HSPA12A: variants seen among roughly 807,000 people sequenced by gnomAD.
HSPA12A encodes the protein heat shock 70 kDa protein 12A.
HSPA12A carries 28 observed loss-of-function variants against 69.2 expected under a neutral mutation model. The observed-to-expected ratio is 0.40, with a 90% CI of 0.30 to 0.55. The LOEUF (loss-of-function observed/expected upper bound fraction) is 0.55, where lower values mean the gene tolerates loss of function less well. Ranked by LOEUF, HSPA12A falls within the 20% of genes least tolerant of loss-of-function variation. The probability of loss-of-function intolerance (pLI) is 0.38; values close to 1 mark genes in which losing one functional copy is unlikely to be tolerated. For synonymous variants in HSPA12A, 345 were observed against 370.5 expected (o/e 0.93, Z 0.79); for missense variants, 686 against 900.7 (o/e 0.76, Z 3.05).
Position 116,698,736 on chromosome 10 carries a change from G to A in HSPA12A, c.445C>T (p.Leu149Phe), listed in dbSNP as rs782433987. The change falls in exon 5 of 12, where the codon CTC becomes TTC. Residue 149 changes from leucine to phenylalanine, a missense_variant. Transcript: ENST00000369209. ...GCCGTCAGGTCTGTATCCATGGTGA[G>A]GTCCTGGTAGGAGGAAGAGGAACAA... ...FKMKLHTTGDLTMDTDLTAAN... is the reference protein window; with the variant it reads ...FKMKLHTTGDFTMDTDLTAAN... 20 of 1,611,748 alleles carry A rather than the reference G, an allele frequency of 1.2e-5. No homozygotes were observed. The highest frequency in any genetic ancestry group is 4.0e-5 in the African/African-American group (3 of 74,904).
intron 1 of HSPA12A, among the ~76,000 whole-genome samples, chr10:116,717,349 G>A (rs1462033036): frequency 1.3e-5 from 2 of 152,218 alleles, no homozygotes; most frequent in Admixed American, 6.5e-5. Flanking sequence ...AATAGCTGGA[G>A]GAAGTCAGGA....
intron 1 of HSPA12A, among the ~76,000 whole-genome samples, chr10:116,718,265 C>T (rs1449642449): frequency 1.3e-5 from 2 of 152,234 alleles, no homozygotes; most frequent in African/African-American, 4.8e-5. Context: ...GTTGGTTTCC[C>T]CTTGAGCAGA....
chr10:116,767,364 C>G (rs552214833), intron 2 of HSPA12A, among the ~76,000 whole-genome samples: 3 of 152,164 alleles, frequency 2.0e-5, no homozygotes, highest in Admixed American at 6.5e-5. Flanking sequence ...ACCCCTCCCC[C>G]ACCAGTGACG....
chr10:116,834,814 C>T (rs1173709970), intron 2 of HSPA12A: 6 of 431,170 alleles, frequency 1.4e-5, no homozygotes, highest in Admixed American at 4.7e-5. Flanking sequence ...ACATCTTACA[C>T]GTGCAGAAGT....
chr10:116,733,364 T>C (rs1392435250), intron 1 of HSPA12A, among the ~76,000 whole-genome samples: 1 of 152,200 alleles, frequency 6.6e-6, no homozygotes, highest in Non-Finnish European at 1.5e-5. Flanking sequence ...CCCGAATACC[T>C]ACAGCTTCCC....
intron 1 of HSPA12A, among the ~76,000 whole-genome samples, chr10:116,718,922 T>C (rs1295234149): frequency 6.6e-6 from 1 of 151,816 alleles, no homozygotes; most frequent in Non-Finnish European, 1.5e-5. Context: ...GGGTGAGAAC[T>C]AGAATTTATG....
chr10:116,775,580 G>A (rs1554891015), intron 2 of HSPA12A, among the ~76,000 whole-genome samples: 1 of 152,148 alleles, frequency 6.6e-6, no homozygotes, highest in Non-Finnish European at 1.5e-5. Context: ...CCCGATGAGA[G>A]GGGATGGAAG....
At chr10:116,823,143 C>T (rs995192995) in intron 2 of HSPA12A, among the ~76,000 whole-genome samples, 6 of 152,252 alleles carry the variant, frequency 3.9e-5, no homozygotes, top group African/African-American at 1.2e-4. Flanking sequence ...CCAGGGACCA[C>T]GTTTTAAAAG....
In HSPA12A at chr10:116,696,002, C is replaced by CAAAAAAAAAAAAA. The variant is rs71013609; in HGVS notation, c.546+2620_546+2632dup. On this transcript the variant is annotated intron_variant, in intron 5 of 11. Coordinates refer to ENST00000369209, the MANE Select transcript of HSPA12A (RefSeq NM_025015.3). ...TGGGCAACAGAGAGAGACTCCATCT[C>CAAAAAAAAAAAAA]AAAAAAAAAAAAAAAAAAAAAGGCT... is the stretch of plus-strand genomic sequence containing the variant. 1.1e-3 allele frequency among the ~76,000 whole-genome samples: 35 copies of CAAAAAAAAAAAAA among 32,722 alleles called. 3 individuals are homozygous for CAAAAAAAAAAAAA. Among genetic ancestry groups the CAAAAAAAAAAAAA allele is most frequent in the African/African-American group, 4.9e-3 (32 of 6,488 alleles). The allele number at this position is 32,722 out of a possible 152,430, so 21.5% of individuals were successfully genotyped here. A position where few individuals can be genotyped will look rare whatever the true frequency, so the allele number is the denominator to read the frequency against.
chr10:116,753,685 C>A (rs1843757373), intron 2 of HSPA12A, among the ~76,000 whole-genome samples: 1 of 152,178 alleles, frequency 6.6e-6, no homozygotes, highest in Non-Finnish European at 1.5e-5. Flanking sequence ...TTCCATGATC[C>A]TGTAGGGCAA....
intron 2 of HSPA12A, among the ~76,000 whole-genome samples, chr10:116,812,114 C>A (rs1324501776): frequency 1.3e-5 from 2 of 152,120 alleles, no homozygotes; most frequent in Non-Finnish European, 2.9e-5. Flanking sequence ...GGCCCTGTAC[C>A]TATTACAAAG....
intron 2 of HSPA12A, among the ~76,000 whole-genome samples, chr10:116,822,688 A>G (rs1845427351): frequency 6.6e-6 from 1 of 152,202 alleles, no homozygotes. Context: ...TCAAGCCTCT[A>G]TCCTTTGCAA....
rs79683502 is a variant in HSPA12A at position 116,754,434 on chromosome 10, G to T, written c.92-47149C>A. 6.5e-4 allele frequency among the ~76,000 whole-genome samples: 99 copies of T among 152,182 alleles called. 1 individual carries two copies. In the East Asian group the frequency reaches 0.017, roughly 25 times the overall value. Reference sequence around the variant, plus strand: ...AGTTTAGAGCAAAAGAAGAATTAAAGAAAAAAATCAAAATATTAAACTTTT... The same window carrying T: ...AGTTTAGAGCAAAAGAAGAATTAAATAAAAAAATCAAAATATTAAACTTTT... On this transcript the variant is annotated intron_variant, in intron 2 of 12. Coordinates refer to the HSPA12A transcript ENST00000635765.
chr10:116,811,548 G>A (rs890834982), intron 2 of HSPA12A, among the ~76,000 whole-genome samples: 13 of 139,724 alleles, frequency 9.3e-5, no homozygotes, highest in African/African-American at 3.3e-4. Flanking sequence ...CCTTCATATT[G>A]GGCCTAACTT....
intron 2 of HSPA12A, among the ~76,000 whole-genome samples, chr10:116,794,924 AT>A (rs1390254110): frequency 3.9e-5 from 6 of 152,238 alleles, no homozygotes; most frequent in Admixed American, 3.9e-4. Context: ...AATTTAAAAA[AT>A]AATTAGAATT....
At chr10:116,785,070 C>T (rs1375625473) in intron 2 of HSPA12A, among the ~76,000 whole-genome samples, 1 of 152,140 alleles carries the variant, frequency 6.6e-6, no homozygotes, top group Non-Finnish European at 1.5e-5. Context: ...GGCTCTGGAG[C>T]TTGGATTCCA....
chr10:116,785,806 A>G (rs1268422218), intron 2 of HSPA12A, among the ~76,000 whole-genome samples: 1 of 151,850 alleles, frequency 6.6e-6, no homozygotes, highest in African/African-American at 2.4e-5. Flanking sequence ...CCAGGCACCC[A>G]CTTGACTCTG....
At chr10:116,792,400 A>C (rs1278442435) in intron 2 of HSPA12A, among the ~76,000 whole-genome samples, 5 of 152,048 alleles carry the variant, frequency 3.3e-5, no homozygotes, top group Non-Finnish European at 7.3e-5. Flanking sequence ...ATAAGAAGAT[A>C]TATGGGGGTG....
rs879828190 is a variant in HSPA12A, at chr10:116,808,735, CCTTT to C, written c.91+26196_91+26199del. On this transcript the variant is annotated intron_variant, in intron 2 of 12. Transcript: ENST00000635765. ...TTCAAATCACAGTTGAAGAGTCCCT[CCTTT>C]GAGGGACAGAGAGCCTTTCAGATCC... is the stretch of plus-strand genomic sequence containing the variant. Among the ~76,000 whole-genome samples, 272 of 152,296 alleles carry C rather than the reference CCTTT, an allele frequency of 1.8e-3. 1 individual carries two copies. The highest frequency in any genetic ancestry group is 0.014 in the Middle Eastern group (4 of 294).
Sources: allele counts gnomAD v4.1 joint callset (sites outside exome capture counted in the v4.1 genomes callset), GRCh38; gene constraint gnomAD v4.1.1; transcripts MANE v1.5; gene names NCBI Gene and HGNC (gene_info 2026-07-23, HGNC 2026-07-21).